The following CFAP299 variants were observed in gnomAD, a reference collection of about 807,000 sequenced individuals.
The protein encoded by CFAP299 is cilia and flagella associated protein 299, also known as cilia- and flagella-associated protein 299.
Under a neutral mutation model 27.0 loss-of-function variants are expected in CFAP299, and 21 were observed. The ratio of observed to expected loss-of-function variants is 0.78; its 90% CI spans 0.55 to 1.12. The LOEUF (loss-of-function observed/expected upper bound fraction) is 1.12. CFAP299 is among the 50% of genes most tolerant of loss of function. The pLI is 0.00. For missense variants in CFAP299, 310 were observed against 276.6 expected (o/e 1.12, Z -0.86); for synonymous variants, 104 against 98.1 (o/e 1.06, Z -0.36).
intron 3 of CFAP299, among the ~76,000 whole-genome samples, chr4:80,772,807 T>C (rs760256264): frequency 1.3e-5 from 2 of 152,122 alleles, no homozygotes; most frequent in Non-Finnish European, 2.9e-5. Flanking sequence ...AGTGAGAACA[T>C]GCAGCGTTTG....
intron 2 of CFAP299, among the ~76,000 whole-genome samples, chr4:80,395,220 T>C (rs1725714640): frequency 6.6e-6 from 1 of 152,090 alleles, no homozygotes; most frequent in South Asian, 2.1e-4. Flanking sequence ...GATAGTTTGT[T>C]GTTAGTGTAT....
At chr4:80,745,892 G>T (rs1250144197) in intron 3 of CFAP299, among the ~76,000 whole-genome samples, 1 of 152,082 alleles carries the variant, frequency 6.6e-6, no homozygotes, top group African/African-American at 2.4e-5. Context: ...AAGCTGGTCA[G>T]AACATCACCC....
At position 80,691,222 on chromosome 4, in the gene CFAP299, T is replaced by C. The variant is rs376045039; in HGVS notation, c.333+108039T>C. Among the ~76,000 whole-genome samples, 626 of 121,362 alleles carry C rather than the reference T, an allele frequency of 5.2e-3. 3 individuals carry two copies. Among genetic ancestry groups the C allele is most frequent in the African/African-American group, 0.019 (587 of 30,274 alleles). 79.6% of individuals were successfully genotyped at this position (121,362 alleles called of 152,430 possible). The stretch of plus-strand genomic sequence containing the variant: ...GCCAGCATCATCCTGATACCAAAGC[T>C]GGGCAGAGACACAACCAAAAAAGAG... On this transcript the variant is annotated intron_variant, in intron 3 of 5. Coordinates refer to ENST00000358105, the MANE Select transcript of CFAP299 (RefSeq NM_152770.3).
chr4:80,762,826 G>A (rs1725613369), intron 3 of CFAP299, among the ~76,000 whole-genome samples: 1 of 152,104 alleles, frequency 6.6e-6, no homozygotes, highest in South Asian at 2.1e-4. Flanking sequence ...GGGTAAAAAA[G>A]TCCTGACTTT....
At chr4:80,626,976 A>G (rs999521071) in intron 3 of CFAP299, among the ~76,000 whole-genome samples, 7 of 151,780 alleles carry the variant, frequency 4.6e-5, no homozygotes, top group African/African-American at 1.7e-4. Context: ...TGAAACTTTC[A>G]AACTTATTTT....
chr4:80,384,760 C>CA (rs1213314346), intron 2 of CFAP299, among the ~76,000 whole-genome samples: 1 of 152,066 alleles, frequency 6.6e-6, no homozygotes, highest in Non-Finnish European at 1.5e-5. Context: ...ATCAGCTCCC[C>CA]ATTCCCACCA....
intron 2 of CFAP299, chr4:80,386,512 T>TCGGG: frequency 6.8e-7 from 1 of 1,469,666 alleles, no homozygotes; most frequent in Admixed American, 2.1e-5. Flanking sequence ...CGGGCGGTGG[T>TCGGG]GGGGGGGGGG....
chr4:80,437,105 A>C (rs1171037774), intron 2 of CFAP299, among the ~76,000 whole-genome samples: 1 of 152,234 alleles, frequency 6.6e-6, no homozygotes, highest in Non-Finnish European at 1.5e-5. Flanking sequence ...GATAATAACC[A>C]GATAAATGAC....
chr4:80,655,350 T>C (rs1457157266), intron 3 of CFAP299, among the ~76,000 whole-genome samples: 1 of 152,196 alleles, frequency 6.6e-6, no homozygotes, highest in Admixed American at 6.6e-5. Flanking sequence ...CTATCGTCTA[T>C]TGCTGCCGGA....
At chr4:80,504,462 CATATATAT>C (rs56729877) in intron 2 of CFAP299, among the ~76,000 whole-genome samples, 1,593 of 37,764 alleles carry the variant, frequency 0.042, 50 homozygotes, top group East Asian at 0.22. Context: ...TAAAATCTCA[CATATATAT>C]ATATATATAT....
At chr4:80,672,376 G>A (rs1213283858) in intron 3 of CFAP299, among the ~76,000 whole-genome samples, 2 of 152,048 alleles carry the variant, frequency 1.3e-5, no homozygotes, top group South Asian at 4.2e-4. Context: ...GGTGGATAAG[G>A]TTTTTGATGT....
At chr4:80,564,044 T>A (rs549228340) in intron 2 of CFAP299, among the ~76,000 whole-genome samples, 3 of 151,840 alleles carry the variant, frequency 2.0e-5, no homozygotes, top group African/African-American at 7.2e-5. Flanking sequence ...TAATAAAAAA[T>A]CTCCTAGTAA....
chr4:80,729,934 GAC>G (rs1262362777), intron 3 of CFAP299, among the ~76,000 whole-genome samples: 5 of 152,138 alleles, frequency 3.3e-5, no homozygotes, highest in Admixed American at 2.0e-4. Flanking sequence ...AGTTTACCTT[GAC>G]ACAGTTTCCA....
Position 80,954,997 on chromosome 4 carries a change from CAAAAAAAAAAAAAAAAAAAAAAAA to C in CFAP299, c.607-8506_607-8483del, listed in dbSNP as rs758937079. Among the ~76,000 whole-genome samples, 51 of 50,318 alleles carry C rather than the reference CAAAAAAAAAAAAAAAAAAAAAAAA, an allele frequency of 1.0e-3. 1 individual carries two copies. The highest frequency in any genetic ancestry group is 6.4e-3 in the African/African-American group (49 of 7,620). 33.0% of individuals were successfully genotyped at this position (50,318 alleles called of 152,430 possible). A position where few individuals can be genotyped will look rare whatever the true frequency, so the allele number is the denominator to read the frequency against. On this transcript the variant is annotated intron_variant, in intron 5 of 5. Transcript: ENST00000358105. ...CCTGGGTGACAGAGCAAGACTCCAT[CAAAAAAAAAAAAAAAAAAAAAAAA>C]AAAAAAAAAAAAACGCACACATGGC... is the stretch of plus-strand genomic sequence containing the variant.
At chr4:80,693,407 T>G (rs538067914) in intron 3 of CFAP299, among the ~76,000 whole-genome samples, 261 of 151,584 alleles carry the variant, frequency 1.7e-3, no homozygotes, top group African/African-American at 5.9e-3. Context: ...GGGACATGGA[T>G]GAAATTGGAA....
intron 2 of CFAP299, among the ~76,000 whole-genome samples, chr4:80,519,695 A>C (rs1265054820): frequency 6.6e-6 from 1 of 152,202 alleles, no homozygotes; most frequent in Non-Finnish European, 1.5e-5. Context: ...ACCTAAGTGC[A>C]GAAAGGAGGT....
intron 3 of CFAP299, among the ~76,000 whole-genome samples, chr4:80,814,814 A>G (rs2047039): frequency 0.34 from 50,951 of 151,852 alleles, 10,309 homozygotes; most frequent in African/African-American, 0.56. Flanking sequence ...TCTTATCTCC[A>G]TAAGGACAAA....
At chr4:80,622,384 A>G (rs1312368125) in intron 3 of CFAP299, among the ~76,000 whole-genome samples, 3 of 152,140 alleles carry the variant, frequency 2.0e-5, no homozygotes, top group South Asian at 2.1e-4. Context: ...TAACACTACT[A>G]TCTGGACTGG....
At position 80,953,883 on chromosome 4, in the gene CFAP299, C is replaced by T. The variant is rs112631201; in HGVS notation, c.606+8944C>T. ...AAGGTACATATCCCAATAAAGCATA[C>T]ATGACAAAGAAAAATTATTGTTTTA... On this transcript the variant is annotated intron_variant, in intron 5 of 5. Coordinates refer to ENST00000358105, the MANE Select transcript of CFAP299 (RefSeq NM_152770.3). Among the ~76,000 whole-genome samples, 352 of 152,182 alleles carry T rather than the reference C, an allele frequency of 2.3e-3. 2 individuals carry two copies. The highest frequency in any genetic ancestry group is 7.9e-3 in the African/African-American group (327 of 41,536).
Sources: allele counts gnomAD v4.1 joint callset (sites outside exome capture counted in the v4.1 genomes callset), GRCh38; gene constraint gnomAD v4.1.1; transcripts MANE v1.5; gene names NCBI Gene and HGNC (gene_info 2026-07-23, HGNC 2026-07-21).